LIPI: variants seen among roughly 807,000 people sequenced by gnomAD.
LIPI encodes the protein lipase I.
LIPI carries 59 observed loss-of-function variants against 50.6 expected under a neutral mutation model. That is an observed-to-expected ratio of 1.16 (90% CI 0.94 to 1.45). The LOEUF is 1.45. Among genes scored for constraint, LIPI ranks in the 40% most tolerant of loss-of-function variants. The pLI is 0.00. For missense variants in LIPI, 586 were observed against 536.3 expected (o/e 1.09, Z -0.92); for synonymous variants, 203 against 178.2 (o/e 1.14, Z -1.11).
At chr21:14,202,788 C>G (rs1364270884) in intron 1 of LIPI, among the ~76,000 whole-genome samples, 1 of 152,070 alleles carries the variant, frequency 6.6e-6, no homozygotes, top group African/African-American at 2.4e-5. Context: ...GACCTCATGT[C>G]TAAAACACCA....
intron 9 of LIPI, among the ~76,000 whole-genome samples, chr21:14,127,794 G>A (rs1020862597): frequency 1.3e-5 from 2 of 152,092 alleles, no homozygotes; most frequent in Non-Finnish European, 2.9e-5. Context: ...ATCATAACCT[G>A]AGATAGAAGA....
intron 9 of LIPI, among the ~76,000 whole-genome samples, chr21:14,136,638 G>T (rs762594757): frequency 1.3e-5 from 2 of 152,044 alleles, no homozygotes; most frequent in Admixed American, 6.5e-5. Flanking sequence ...GGGCCTGGGG[G>T]ACCTCACCAC....
intron 1 of LIPI, among the ~76,000 whole-genome samples, chr21:14,198,751 C>T (rs1376125183): frequency 6.6e-6 from 1 of 152,032 alleles, no homozygotes; most frequent in Non-Finnish European, 1.5e-5. Flanking sequence ...GATCAGAACT[C>T]AGCACTGGGT....
In LIPI at chr21:14,109,011, A is replaced by G. The variant is rs762889108; in HGVS notation, c.1365T>C (p.Cys455=). ...AGGCATCTTATGTGTTCTTTGGTGT[A>G]CATGTGTTTGGATTAAGAAACACTT... ...REEVFLNPNT[C]TPKNT Residue 455 remains cysteine, a synonymous_variant, in exon 10 of 10, where the codon TGT becomes TGC. Transcript: ENST00000681601. 4 of 1,608,190 alleles carry G rather than the reference A, an allele frequency of 2.5e-6. No individual in the cohort carries two copies. Among genetic ancestry groups the G allele is most frequent in the Admixed American group, 1.7e-5 (1 of 59,984 alleles).
rs2017799359 is a variant in LIPI, at chr21:14,143,755, A to T, written c.1295+868T>A. On this transcript the variant is annotated intron_variant, in intron 9 of 9. Transcript: ENST00000681601. The stretch of plus-strand genomic sequence containing the variant: ...TTTTAATAATTCTTAATGATTTCAC[A>T]GGGTGTTGTCAATGGAAATATGGAT... 2.0e-5 allele frequency: 3 copies of T among 152,198 alleles called. No homozygotes were observed. The South Asian group carries it at 6.2e-4, about 31-fold the overall frequency. The allele number at this position is 152,198 out of a possible 1,614,324, so 9.4% of individuals were successfully genotyped here. A position where few individuals can be genotyped will look rare whatever the true frequency, so the allele number is the denominator to read the frequency against.
At chr21:14,151,433 A>C (rs1346957687) in intron 8 of LIPI, among the ~76,000 whole-genome samples, 1 of 152,214 alleles carries the variant, frequency 6.6e-6, no homozygotes, top group Non-Finnish European at 1.5e-5. Context: ...CTGTGACAGC[A>C]GTAAATGTTG....
chr21:14,142,183 G>A (rs890094515), intron 9 of LIPI, among the ~76,000 whole-genome samples: 1 of 151,940 alleles, frequency 6.6e-6, no homozygotes, highest in Non-Finnish European at 1.5e-5. Flanking sequence ...GACTAGGGGA[G>A]GGATAGCATT....
chr21:14,183,984 G>A (rs74586956), intron 3 of LIPI, among the ~76,000 whole-genome samples: 3 of 151,900 alleles, frequency 2.0e-5, no homozygotes, highest in African/African-American at 2.4e-5. Flanking sequence ...GGGTATATAC[G>A]CAAAGGATTA....
chr21:14,127,183 G>A (rs115716908), intron 9 of LIPI, among the ~76,000 whole-genome samples: 175 of 152,264 alleles, frequency 1.1e-3, no homozygotes, highest in African/African-American at 4.1e-3. Context: ...TTGACTGCAT[G>A]CATAGTTTAA....
At position 14,165,321 on chromosome 21, in the gene LIPI, C is replaced by A; in HGVS notation, c.803G>T (p.Cys268Phe). 1 of 1,610,726 alleles carries A rather than the reference C, an allele frequency of 6.2e-7. No homozygotes were observed. Among genetic ancestry groups the A allele is most frequent in the South Asian group, 1.1e-5 (1 of 90,986 alleles). The change falls in exon 6 of 10, where the codon TGC becomes TTC. Residue 268 changes from cysteine to phenylalanine, a missense_variant. Physicochemically the swap from Cys to Phe is radical, Grantham distance 205 (BLOSUM62 -2). Transcript: ENST00000681601. ...ACGACAAGGAAATGAAATAAAATTG[C>A]AGTTTGTTTCTAAAGATGCCATGAA... The part of the protein sequence containing the change: ...HLFMASLETN[C>F]NFISFPCRSY...
At position 14,109,089 on chromosome 21, in the gene LIPI, G is replaced by A. The variant is rs1600815299; in HGVS notation, c.1296-9C>T. 6.3e-7 allele frequency: 1 copy of A among 1,575,172 alleles called. No individual in the cohort carries two copies. The highest frequency in any genetic ancestry group is 8.7e-7 in the Non-Finnish European group (1 of 1,146,448). ...ACCTGCAAAGTGGTGGTCTGAGAAAGAGAAAAATGGAGAGAACAAAAAAAT... is the reference window on the plus strand; with the variant it reads ...ACCTGCAAAGTGGTGGTCTGAGAAAAAGAAAAATGGAGAGAACAAAAAAAT... On this transcript the variant is annotated splice_polypyrimidine_tract_variant and intron_variant, in intron 9 of 9. Coordinates refer to ENST00000681601, the MANE Select transcript of LIPI (RefSeq NM_001302998.2).
chr21:14,159,652 A>T (rs2018395310), intron 7 of LIPI, among the ~76,000 whole-genome samples: 1 of 151,404 alleles, frequency 6.6e-6, no homozygotes, highest in South Asian at 2.1e-4. Context: ...CAGCAAGTAG[A>T]TTTAAAAAAA....
At chr21:14,123,691 G>A (rs1455102211) in intron 9 of LIPI, among the ~76,000 whole-genome samples, 5 of 152,146 alleles carry the variant, frequency 3.3e-5, no homozygotes, top group Admixed American at 6.5e-5. Context: ...AGCTAAGTGG[G>A]CCCAAGATGG....
chr21:14,114,876 A>G (rs114220546), intron 9 of LIPI, among the ~76,000 whole-genome samples: 2,185 of 152,344 alleles, frequency 0.014, 40 homozygotes, highest in African/African-American at 0.046. Context: ...AAACCAGCCA[A>G]GAAGAAAAGT....
At chr21:14,206,664 A>T in intron 1 of LIPI, 1 of 575,370 alleles carries the variant, frequency 1.7e-6, no homozygotes, top group South Asian at 2.0e-5. Flanking sequence ...TCATTTCTGG[A>T]AAAAAAACGG....
intron 9 of LIPI, among the ~76,000 whole-genome samples, chr21:14,113,778 A>C (rs2016508868): frequency 6.6e-6 from 1 of 152,232 alleles, no homozygotes; most frequent in South Asian, 2.1e-4. Context: ...ATTGACTCAC[A>C]GTTCAGCATG....
rs761219135 is a variant in LIPI at position 14,152,700 on chromosome 21, A to G, written c.1007-16T>C. 4 of 1,235,310 alleles carry G rather than the reference A, an allele frequency of 3.2e-6. No homozygotes were observed. In the South Asian group the frequency reaches 3.7e-5, roughly 11 times the overall value. The allele number at this position is 1,235,310 out of a possible 1,614,324, so 76.5% of individuals were successfully genotyped here. ...AAATAATAGGCTACAAAATAAAAAT[A>G]TAGAATACAACTCACATTATTTTTT... On this transcript the variant is annotated splice_polypyrimidine_tract_variant and intron_variant, in intron 7 of 9. Coordinates refer to ENST00000681601, the MANE Select transcript of LIPI (RefSeq NM_001302998.2).
chr21:14,202,321 C>T (rs985251169), intron 1 of LIPI, among the ~76,000 whole-genome samples: 9 of 151,958 alleles, frequency 5.9e-5, no homozygotes, highest in South Asian at 2.1e-4. Flanking sequence ...TCACAGAATT[C>T]GAAAAAACTA....
chr21:14,156,685 A>G (rs1291970324), intron 7 of LIPI, among the ~76,000 whole-genome samples: 1 of 151,970 alleles, frequency 6.6e-6, no homozygotes, highest in African/African-American at 2.4e-5. Context: ...AAAAACATAT[A>G]CAAGTGGAAA....
Sources: gnomAD v4.1 joint callset for allele counts (sites outside exome capture counted in the v4.1 genomes callset) on GRCh38, gnomAD v4.1.1 for gene constraint, MANE v1.5 for transcripts, NCBI Gene and HGNC (gene_info 2026-07-23, HGNC 2026-07-21) for gene names.